Variants in ADAM9 observed in about 807,000 individuals in gnomAD.
The protein encoded by ADAM9 is ADAM metallopeptidase domain 9.
A neutral mutation model predicts 108.1 loss-of-function variants in ADAM9; 54 were observed. The ratio of observed to expected loss-of-function variants is 0.50; its 90% CI spans 0.40 to 0.63. ADAM9 has a LOEUF of 0.63. ADAM9 is among the 20% of genes least tolerant of loss of function. The probability of loss-of-function intolerance (pLI) is 0.00; values close to 1 mark genes in which losing one functional copy is unlikely to be tolerated. For synonymous variants in ADAM9, 316 were observed against 336.0 expected (o/e 0.94, Z 0.65); for missense variants, 830 against 997.7 (o/e 0.83, Z 2.26).
intron 1 of ADAM9, among the ~76,000 whole-genome samples, chr8:39,006,107 T>C (rs1836152935): frequency 6.6e-6 from 1 of 151,156 alleles, no homozygotes; most frequent in African/African-American, 2.4e-5. Context: ...GTAGACAAGG[T>C]ATGTGGCCAG....
At chr8:39,087,939 A>G (rs979274455) in intron 18 of ADAM9, among the ~76,000 whole-genome samples, 11 of 152,202 alleles carry the variant, frequency 7.2e-5, no homozygotes, top group African/African-American at 9.7e-5. Context: ...GTTGATTACC[A>G]TAGATTTTGT....
chr8:39,054,620 A>AG, intron 13 of ADAM9, 47 bp downstream of exon 13: 1 of 1,499,640 alleles, frequency 6.7e-7, no homozygotes, highest in Non-Finnish European at 9.1e-7. Flanking sequence ...AAAAAAAAAA[A>AG]AAGAAAACCT....
In ADAM9 at chr8:39,045,213, T is replaced by C. The variant is rs528436708; in HGVS notation, c.1302+3096T>C. ...ATACATATATGTGTATATATGTGTA[T>C]ACATACATATATGTGTATATATGTG... On this transcript the variant is annotated intron_variant, in intron 12 of 21. Transcript: ENST00000487273. Among the ~76,000 whole-genome samples the C allele has an allele frequency of 3.5e-5, 5 of 143,586 alleles. No homozygotes were observed. In the East Asian group the frequency reaches 8.3e-4, roughly 24 times the overall value. The allele number at this position is 143,586 out of a possible 152,430, so 94.2% of individuals were successfully genotyped here.
At chr8:39,100,492 CAA>C (rs1186138731) in intron 20 of ADAM9, among the ~76,000 whole-genome samples, 18 of 102,984 alleles carry the variant, frequency 1.7e-4, no homozygotes, top group Non-Finnish European at 2.4e-4. Context: ...GACTCCGTCT[CAA>C]AAAAAAAAAA....
chr8:39,056,633 GC>G (rs1838132560), intron 14 of ADAM9, among the ~76,000 whole-genome samples: 1 of 152,032 alleles, frequency 6.6e-6, no homozygotes, highest in Admixed American at 6.6e-5. Context: ...ATAATTACTT[GC>G]CTGATTTCTC....
At chr8:39,077,093 C>G (rs1028546331) in intron 15 of ADAM9, 135 bp from the exon 16 acceptor site, 11 of 978,004 alleles carry the variant, frequency 1.1e-5, no homozygotes, top group Non-Finnish European at 1.6e-5. Flanking sequence ...TTTGACCTCT[C>G]TTGCTCTCAT....
chr8:39,018,583 A>G (rs1836625633), intron 6 of ADAM9: 2 of 462,322 alleles, frequency 4.3e-6, no homozygotes, highest in Non-Finnish European at 7.8e-6. Context: ...ATATTAGTGC[A>G]GATAGCAGAT....
intron 15 of ADAM9, among the ~76,000 whole-genome samples, chr8:39,073,741 C>T (rs1838768898): frequency 6.6e-6 from 1 of 152,102 alleles, no homozygotes; most frequent in East Asian, 1.9e-4. Flanking sequence ...TTGTCTTTAG[C>T]CTTGTCTTGT....
chr8:39,093,931 A>C (rs1301366812), intron 20 of ADAM9, among the ~76,000 whole-genome samples: 1 of 152,028 alleles, frequency 6.6e-6, no homozygotes, highest in East Asian at 1.9e-4. Context: ...CACCCTGCCC[A>C]GCTAATTTTT....
Position 39,103,847 on chromosome 8 carries a change from A to C in ADAM9, c.*147A>C. On this transcript the variant is annotated 3_prime_UTR_variant, in exon 22 of 22. Transcript: ENST00000487273. The stretch of plus-strand genomic sequence containing the variant: ...ACAGACTTCACTAACACAGAAAAAC[A>C]GAAACTGAGTGTGAGAGTTGTGAAA... The C allele has an allele frequency of 1.3e-6, 1 of 773,438 alleles. No individual in the cohort carries two copies. The highest frequency in any genetic ancestry group is 1.7e-5 in the African/African-American group (1 of 58,816). The allele number at this position is 773,438 out of a possible 1,614,324, so 47.9% of individuals were successfully genotyped here.
intron 18 of ADAM9, among the ~76,000 whole-genome samples, chr8:39,089,282 G>A (rs1259674455): frequency 2.0e-5 from 3 of 152,096 alleles, no homozygotes; most frequent in Non-Finnish European, 2.9e-5. Flanking sequence ...TCAACTCATA[G>A]TATAAAAAAA....
chr8:39,054,607 A>AAG (rs776811195), intron 13 of ADAM9, 34 bp downstream of exon 13: 3 of 1,484,642 alleles, frequency 2.0e-6, no homozygotes, highest in Non-Finnish European at 2.7e-6. Flanking sequence ...AACAGGAAAA[A>AAG]AAAAAAAAAA....
chr8:39,052,885 A>ATTTAAC (rs1300192579), intron 12 of ADAM9, among the ~76,000 whole-genome samples: 2 of 152,266 alleles, frequency 1.3e-5, no homozygotes, highest in Admixed American at 1.3e-4. Flanking sequence ...TGGTAGAGGT[A>ATTTAAC]TTTAACTTTT....
intron 14 of ADAM9, among the ~76,000 whole-genome samples, chr8:39,061,346 A>G (rs1394676837): frequency 1.3e-5 from 2 of 152,222 alleles, no homozygotes; most frequent in African/African-American, 2.4e-5. Flanking sequence ...AAAAACCCAC[A>G]AGGTGGGTTC....
intron 20 of ADAM9, among the ~76,000 whole-genome samples, chr8:39,092,799 T>TA (rs2129443267): frequency 6.6e-6 from 1 of 152,346 alleles, no homozygotes; most frequent in African/African-American, 2.4e-5. Flanking sequence ...TGGTATGAAA[T>TA]ACCAGTTCAT....
At chr8:39,081,093 T>C (rs1839009819) in intron 16 of ADAM9, among the ~76,000 whole-genome samples, 2 of 151,854 alleles carry the variant, frequency 1.3e-5, no homozygotes, top group Admixed American at 6.6e-5. Context: ...AATTACAGGC[T>C]TGCACCACCA....
intron 20 of ADAM9, 102 bp downstream of exon 20, chr8:39,091,448 C>T: frequency 5.6e-6 from 6 of 1,070,938 alleles, no homozygotes; most frequent in Non-Finnish European, 8.4e-6. Flanking sequence ...AACATAGATA[C>T]CTTCTTAAGA....
intron 14 of ADAM9, among the ~76,000 whole-genome samples, chr8:39,057,888 C>T (rs1383538199): frequency 6.6e-6 from 1 of 151,978 alleles, no homozygotes; most frequent in Non-Finnish European, 1.5e-5. Context: ...CAAATTAACT[C>T]TACTAAAAAG....
chr8:39,031,728 C>T (rs749365955), intron 11 of ADAM9, among the ~76,000 whole-genome samples: 13 of 152,174 alleles, frequency 8.5e-5, no homozygotes, highest in Non-Finnish European at 1.6e-4. Context: ...GGAGAAGGGG[C>T]GCTCTGATTT....
Sources: gnomAD v4.1 joint callset for allele counts (sites outside exome capture counted in the v4.1 genomes callset) on GRCh38, gnomAD v4.1.1 for gene constraint, MANE v1.5 for transcripts, NCBI Gene and HGNC (gene_info 2026-07-23, HGNC 2026-07-21) for gene names.